Variants in SNX29 observed in about 807,000 individuals in gnomAD.
SNX29 encodes the protein sorting nexin-29.
SNX29 carries 78 observed loss-of-function variants against 102.1 expected under a neutral mutation model. The ratio of observed to expected loss-of-function variants is 0.76; its 90% CI spans 0.64 to 0.92. The LOEUF is 0.92. Ranked by LOEUF, SNX29 falls within the 40% of genes least tolerant of loss-of-function variation. SNX29 has a pLI of 0.00. For missense variants in SNX29, 1,280 were observed against 1,061.7 expected, an observed-to-expected ratio of 1.21 and a Z score of -2.86; for synonymous variants, 580 against 414.5, an observed-to-expected ratio of 1.40 and a Z score of -4.85.
intron 18 of SNX29, among the ~76,000 whole-genome samples, chr16:12,435,252 C>A (rs2085485775): frequency 6.6e-6 from 1 of 152,202 alleles, no homozygotes; most frequent in Non-Finnish European, 1.5e-5. Flanking sequence ...CTGATAGGAC[C>A]CATCTGGTCT....
At chr16:12,452,408 A>C (rs1343830542) in intron 18 of SNX29, among the ~76,000 whole-genome samples, 1 of 20,074 alleles carries the variant, frequency 5.0e-5, no homozygotes. Context: ...TCAAATGGTA[A>C]GTGCTCTGTG....
At chr16:12,393,350 C>T (rs2083597733) in intron 16 of SNX29, among the ~76,000 whole-genome samples, 1 of 139,454 alleles carries the variant, frequency 7.2e-6, no homozygotes, top group African/African-American at 2.8e-5. Flanking sequence ...AATCTGTTGG[C>T]ATTTCAGGGT....
intron 16 of SNX29, among the ~76,000 whole-genome samples, chr16:12,371,450 A>AC (rs1322234414): frequency 6.6e-6 from 1 of 152,098 alleles, no homozygotes; most frequent in Non-Finnish European, 1.5e-5. Context: ...GGTGCATACC[A>AC]CCATGCCTGG....
intron 13 of SNX29, among the ~76,000 whole-genome samples, chr16:12,184,940 T>C (rs1285524761): frequency 6.6e-6 from 1 of 152,206 alleles, no homozygotes; most frequent in Non-Finnish European, 1.5e-5. Context: ...GGCTAGATCC[T>C]TTGGGACTGG....
intron 20 of SNX29, among the ~76,000 whole-genome samples, chr16:12,553,553 C>G (rs533674109): frequency 6.6e-6 from 1 of 152,032 alleles, no homozygotes; most frequent in Non-Finnish European, 1.5e-5. Flanking sequence ...CTGCAGGGAG[C>G]TAAGCAGGAG....
chr16:12,226,538 G>A (rs945638939), intron 14 of SNX29, among the ~76,000 whole-genome samples: 1 of 150,804 alleles, frequency 6.6e-6, no homozygotes, highest in African/African-American at 2.4e-5. Context: ...GAGGGTTTGG[G>A]TTTCCAGGGG....
In SNX29 at chr16:12,571,215, G is replaced by GT. The variant is rs2079180717; in HGVS notation, c.*2588dup. 8.6e-6 allele frequency: 2 copies of GT among 232,242 alleles called. No individual in the cohort carries two copies. Among genetic ancestry groups the GT allele is most frequent in the African/African-American group, 2.2e-5 (1 of 45,288 alleles). The allele number at this position is 232,242 out of a possible 1,614,324, so 14.4% of individuals were successfully genotyped here. On this transcript the variant is annotated 3_prime_UTR_variant, in exon 21 of 21. Transcript: ENST00000566228. The stretch of plus-strand genomic sequence containing the variant: ...CTTCAGGCAACAAACAACTGGCAGG[G>GT]TTCCCAGTTCCTGGAGTTATGGAGC...
chr16:12,390,146 A>AGG (rs1482388851), intron 16 of SNX29, among the ~76,000 whole-genome samples: 79 of 113,680 alleles, frequency 6.9e-4, no homozygotes, highest in South Asian at 1.4e-3. Flanking sequence ...CGTGCAATTG[A>AGG]GGGGTGTGTG....
At chr16:12,003,568 T>C (rs1353545307) in intron 3 of SNX29, among the ~76,000 whole-genome samples, 2 of 152,244 alleles carry the variant, frequency 1.3e-5, no homozygotes, top group Admixed American at 6.5e-5. Flanking sequence ...GGAGTGGTCC[T>C]AGCTATGTTA....
chr16:12,319,647 G>A (rs765264845), intron 15 of SNX29, among the ~76,000 whole-genome samples: 1 of 152,094 alleles, frequency 6.6e-6, no homozygotes, highest in African/African-American at 2.4e-5. Flanking sequence ...TGATGAGGAG[G>A]GCTGGTTTCA....
intron 11 of SNX29, among the ~76,000 whole-genome samples, chr16:12,119,274 G>T (rs559796165): frequency 6.6e-6 from 1 of 152,306 alleles, no homozygotes; most frequent in South Asian, 2.1e-4. Context: ...GGCCCTGTCT[G>T]TATCCGCTTT....
intron 11 of SNX29, among the ~76,000 whole-genome samples, chr16:12,115,852 C>T (rs1251650970): frequency 6.6e-6 from 1 of 152,156 alleles, no homozygotes; most frequent in African/African-American, 2.4e-5. Context: ...GTGAGTGAGC[C>T]TCTTGTGTAA....
At chr16:12,540,633 T>G (rs1007448042) in intron 20 of SNX29, among the ~76,000 whole-genome samples, 40 of 152,150 alleles carry the variant, frequency 2.6e-4, no homozygotes, top group African/African-American at 9.2e-4. Context: ...GAGTCCAGGA[T>G]CATCTCCCCA....
chr16:12,162,901 TG>T (rs2055850836), intron 13 of SNX29, among the ~76,000 whole-genome samples: 1 of 152,142 alleles, frequency 6.6e-6, no homozygotes, highest in African/African-American at 2.4e-5. Flanking sequence ...CTTTTTTTTT[TG>T]AGACAGTCTC....
chr16:12,262,896 A>T (rs1056677009), intron 14 of SNX29, among the ~76,000 whole-genome samples: 3 of 152,170 alleles, frequency 2.0e-5, no homozygotes, highest in African/African-American at 7.2e-5. Context: ...TCCTATTTGC[A>T]GTCACTCACC....
In SNX29 at chr16:12,262,131, C is replaced by T. The variant is rs115395742; in HGVS notation, c.1679-15802C>T. On this transcript the variant is annotated intron_variant, in intron 14 of 20. Transcript: ENST00000566228. ...TGCTCTGAGCTCTGGTCTGTGCGCG[C>T]GTCCCCAGCTGAAGTGAGTGGTTGT... Among the ~76,000 whole-genome samples the T allele has an allele frequency of 4.0e-3, 604 of 150,446 alleles. 11 individuals are homozygous for T. Among genetic ancestry groups the T allele is most frequent in the African/African-American group, 0.014 (555 of 40,524 alleles).
At chr16:12,515,061 G>C (rs954713436) in intron 19 of SNX29, among the ~76,000 whole-genome samples, 7 of 152,142 alleles carry the variant, frequency 4.6e-5, no homozygotes, top group Non-Finnish European at 1.0e-4. Context: ...AATGTTGCTA[G>C]TGACGGCTCC....
At chr16:12,261,044 T>C (rs1228880753) in intron 14 of SNX29, among the ~76,000 whole-genome samples, 2 of 144,952 alleles carry the variant, frequency 1.4e-5, no homozygotes, top group African/African-American at 5.2e-5. Context: ...AGTGAGTGTG[T>C]GCTGAGCTGG....
chr16:12,539,773 C>CTAATGAG (rs1428053430), intron 20 of SNX29, among the ~76,000 whole-genome samples: 2 of 152,170 alleles, frequency 1.3e-5, no homozygotes, highest in African/African-American at 4.8e-5. Flanking sequence ...TTGCATTTTC[C>CTAATGAG]TAATGAGTAA....
Sources: allele counts gnomAD v4.1 joint callset (sites outside exome capture counted in the v4.1 genomes callset), GRCh38; gene constraint gnomAD v4.1.1; transcripts MANE v1.5; gene names NCBI Gene and HGNC (gene_info 2026-07-23, HGNC 2026-07-21).